Variants in PCYT1B observed in about 807,000 individuals in gnomAD.
PCYT1B encodes the protein phosphate cytidylyltransferase 1B, choline, also known as choline-phosphate cytidylyltransferase B.
Under a neutral mutation model 26.4 loss-of-function variants are expected in PCYT1B, and 10 were observed. The observed-to-expected ratio is 0.38, with a 90% CI of 0.23 to 0.64. The LOEUF is 0.64. PCYT1B is among the 30% of genes least tolerant of loss of function. The pLI is 0.56. For synonymous variants in PCYT1B, 131 were observed against 108.4 expected (o/e 1.21, Z -1.29); for missense variants, 161 against 292.7 (o/e 0.55, Z 3.28).
intron 1 of PCYT1B, among the ~76,000 whole-genome samples, chrX:24,637,487 A>ATATATATAT (rs1218518627): frequency 7.1e-5 from 4 of 56,173 alleles, no homozygotes; most frequent in African/African-American, 1.5e-4. Flanking sequence ...ACTAAAAAAA[A>ATATATATAT]AAAAATATAT....
intron 5 of PCYT1B, among the ~76,000 whole-genome samples, chrX:24,582,483 G>A (rs973632622): frequency 1.8e-5 from 2 of 112,006 alleles, no homozygotes; most frequent in Admixed American, 9.5e-5. Flanking sequence ...AAAAATATTC[G>A]GTAATGAGCA....
intron 1 of PCYT1B, among the ~76,000 whole-genome samples, chrX:24,629,138 T>C (rs1166015931): frequency 8.9e-6 from 1 of 112,605 alleles, no homozygotes. Context: ...CAAATGTTTA[T>C]TGGCCATTTG....
chrX:24,666,421 A>G lies in PCYT1B; in HGVS notation c.63+6149T>C, dbSNP rs746587963. On this transcript the variant is annotated intron_variant, in intron 1 of 7. Transcript: ENST00000379145. The stretch of plus-strand genomic sequence containing the variant: ...TTTTGGTAAATATAATGGTACTATT[A>G]AAAATTATCATGTTAGTCTTTGCTT... Among the ~76,000 whole-genome samples, 8 of 112,031 alleles carry G rather than the reference A, an allele frequency of 7.1e-5. No homozygotes were observed. The South Asian group carries it at 3.0e-3, about 42-fold the overall frequency.
At chrX:24,601,478 G>A (rs1314763329) in intron 3 of PCYT1B, among the ~76,000 whole-genome samples, 3 of 101,040 alleles carry the variant, frequency 3.0e-5, no homozygotes, top group Non-Finnish European at 5.9e-5. Context: ...GGGCAACAGA[G>A]CGAAACTCTT....
chrX:24,651,475 ATATATATATAT>A (rs1569257978), upstream of PCYT1B, among the ~76,000 whole-genome samples: 1,673 of 30,499 alleles, frequency 0.055, 90 homozygotes, highest in Non-Finnish European at 0.065. Context: ...AAAAAAAAAT[ATATATATATAT>A]ATATATATAT....
intron 1 of PCYT1B, among the ~76,000 whole-genome samples, chrX:24,646,544 AT>A (rs769937273): frequency 2.8e-3 from 315 of 110,889 alleles, no homozygotes; most frequent in African/African-American, 9.5e-3. Flanking sequence ...CCATGTTTCC[AT>A]TTTTTTCCCC....
intron 1 of PCYT1B, among the ~76,000 whole-genome samples, chrX:24,646,148 C>T (rs750128734): frequency 3.6e-5 from 4 of 111,386 alleles, no homozygotes; most frequent in Non-Finnish European, 5.7e-5. Flanking sequence ...ACAGAAAACC[C>T]ACCACCCATG....
rs756767648 is a variant in PCYT1B, at chrX:24,575,027, A to G, written c.897+103T>C. 48 of 570,559 alleles carry G rather than the reference A, an allele frequency of 8.4e-5. No individual in the cohort carries two copies. In the African/African-American group the frequency reaches 1.1e-3, roughly 13 times the overall value. The allele number at this position is 570,559 out of a possible 1,213,427, so 47.0% of individuals were successfully genotyped here. ...CAGGCTGATGCCTAAAGTAGAGGGC[A>G]TGCAGTGGATCTGAGATAAGGGGCA... On this transcript the variant is annotated intron_variant, in intron 7 of 7. Transcript: ENST00000379144.
chrX:24,646,492 A>G (rs1037522099), intron 1 of PCYT1B, among the ~76,000 whole-genome samples: 1 of 111,132 alleles, frequency 9.0e-6, no homozygotes, highest in Non-Finnish European at 1.9e-5. Flanking sequence ...TTATTTATTT[A>G]TTTATTTTGA....
At chrX:24,661,418 C>G (rs759483582) in intron 1 of PCYT1B, among the ~76,000 whole-genome samples, 1 of 111,894 alleles carries the variant, frequency 8.9e-6, no homozygotes, top group East Asian at 2.8e-4. Flanking sequence ...AAAGATTGGG[C>G]TTAGGCACTT....
chrX:24,621,885 T>C, intron 1 of PCYT1B: 1 of 703,026 alleles, frequency 1.4e-6, no homozygotes, highest in Non-Finnish European at 1.7e-6. Context: ...GTGTGAAATC[T>C]GGTAATTAAA....
At position 24,562,235 on chromosome X, in the gene PCYT1B, T is replaced by C; in HGVS notation, c.*58A>G. 3 of 1,171,594 alleles carry C rather than the reference T, an allele frequency of 2.6e-6. No homozygotes were observed. The highest frequency in any genetic ancestry group is 3.4e-6 in the Non-Finnish European group (3 of 874,240). On this transcript the variant is annotated 3_prime_UTR_variant, in exon 8 of 8. Coordinates refer to ENST00000379144, the MANE Select transcript of PCYT1B (RefSeq NM_004845.5). ...CCTTCAAACACCACCCAGGCAACCCTGTGACTCTCGCCCTCCTCCCCATCC... is the reference window on the plus strand; with the variant it reads ...CCTTCAAACACCACCCAGGCAACCCCGTGACTCTCGCCCTCCTCCCCATCC...
At chrX:24,651,064 C>G (rs1926752142), upstream of PCYT1B, among the ~76,000 whole-genome samples, 1 of 111,358 alleles carries the variant, frequency 9.0e-6, no homozygotes, top group Non-Finnish European at 1.9e-5. Context: ...CAGAAAAAAG[C>G]ATTGGAAGGA....
intron 7 of PCYT1B, among the ~76,000 whole-genome samples, chrX:24,574,525 C>G (rs1923957636): frequency 9.0e-6 from 1 of 111,608 alleles, no homozygotes; most frequent in Admixed American, 9.6e-5. Context: ...GACTGTTGTG[C>G]CTTATCCCAA....
At chrX:24,579,697 C>T (rs1011469074) in intron 5 of PCYT1B, among the ~76,000 whole-genome samples, 1 of 111,231 alleles carries the variant, frequency 9.0e-6, no homozygotes, top group Non-Finnish European at 1.9e-5. Flanking sequence ...ACTTGCCTGG[C>T]CCCTGCTGTT....
chrX:24,605,550 T>TA (rs1925098838), intron 3 of PCYT1B, among the ~76,000 whole-genome samples: 1 of 112,266 alleles, frequency 8.9e-6, no homozygotes, highest in Admixed American at 9.5e-5. Context: ...TCTGAGGACA[T>TA]AGACAGTCTG....
chrX:24,624,179 C>G (rs1340608987), intron 1 of PCYT1B, among the ~76,000 whole-genome samples: 6 of 109,908 alleles, frequency 5.5e-5, no homozygotes, highest in Non-Finnish European at 1.1e-4. Flanking sequence ...CTGTGTTAAC[C>G]AGGATGGTCT....
intron 2 of PCYT1B, among the ~76,000 whole-genome samples, chrX:24,617,406 A>G (rs1406121746): frequency 5.0e-5 from 5 of 100,833 alleles, no homozygotes; most frequent in Non-Finnish European, 1.0e-4. Flanking sequence ...AATGGCAACT[A>G]GAAACCATAG....
chrX:24,564,438 C>T (rs1170662090), intron 7 of PCYT1B, among the ~76,000 whole-genome samples: 8 of 108,283 alleles, frequency 7.4e-5, no homozygotes, highest in African/African-American at 1.0e-4. Context: ...CTGCAAGCTC[C>T]GCCTCCCGGG....
Sources: allele counts gnomAD v4.1 joint callset (sites outside exome capture counted in the v4.1 genomes callset), GRCh38; gene constraint gnomAD v4.1.1; transcripts MANE v1.5; gene names NCBI Gene and HGNC (gene_info 2026-07-23, HGNC 2026-07-21).